The following SNAP91 variants were observed in gnomAD, a reference collection of about 807,000 sequenced individuals.
The protein encoded by SNAP91 is synaptosome associated protein 91.
In SNAP91, 27 loss-of-function variants were observed where a neutral mutation model predicts 100.3. The ratio of observed to expected loss-of-function variants is 0.27; its 90% CI spans 0.20 to 0.37. The LOEUF is 0.37. Ranked by LOEUF, SNAP91 falls within the 10% of genes least tolerant of loss-of-function variation. The pLI is 1.00. For missense variants in SNAP91, 986 were observed against 1,123.7 expected (o/e 0.88, Z 1.75); for synonymous variants, 404 against 398.6 (o/e 1.01, Z -0.16).
chr6:83,684,281 A>T (rs1442558836), intron 2 of SNAP91, among the ~76,000 whole-genome samples: 2 of 152,190 alleles, frequency 1.3e-5, no homozygotes, highest in Non-Finnish European at 2.9e-5. Flanking sequence ...TATGGTTCAG[A>T]TGAGGAACAT....
At chr6:83,604,717 G>T (rs1003047323) in intron 14 of SNAP91, among the ~76,000 whole-genome samples, 2 of 152,130 alleles carry the variant, frequency 1.3e-5, no homozygotes, top group Non-Finnish European at 2.9e-5. Flanking sequence ...CTCTGTATGG[G>T]AGAAAAGATA....
intron 2 of SNAP91, among the ~76,000 whole-genome samples, chr6:83,706,650 G>A (rs566686983): frequency 6.6e-6 from 1 of 152,304 alleles, no homozygotes; most frequent in African/African-American, 2.4e-5. Context: ...TCTGACACTG[G>A]TGCCATTTTC....
intron 22 of SNAP91, among the ~76,000 whole-genome samples, chr6:83,583,436 A>G (rs1004938433): frequency 1.3e-5 from 2 of 152,242 alleles, no homozygotes; most frequent in African/African-American, 4.8e-5. Context: ...GACAAATCAA[A>G]GACTACTGTA....
chr6:83,602,505 T>C (rs1216550553), intron 14 of SNAP91, among the ~76,000 whole-genome samples: 1 of 152,202 alleles, frequency 6.6e-6, no homozygotes, highest in Non-Finnish European at 1.5e-5. Flanking sequence ...GGCTTGATCT[T>C]ATCAAACAAG....
At chr6:83,659,637 G>T (rs2098494696) in intron 5 of SNAP91, among the ~76,000 whole-genome samples, 1 of 151,888 alleles carries the variant, frequency 6.6e-6, no homozygotes, top group African/African-American at 2.4e-5. Context: ...TCACTATGTT[G>T]CCCAGGCTGG....
intron 8 of SNAP91, among the ~76,000 whole-genome samples, chr6:83,633,000 C>T (rs1263020649): frequency 6.6e-6 from 1 of 152,168 alleles, no homozygotes; most frequent in Non-Finnish European, 1.5e-5. Flanking sequence ...GGTTCCTTCT[C>T]ATTTGGGTAG....
At chr6:83,588,995 T>A (rs1180885749) in intron 22 of SNAP91, among the ~76,000 whole-genome samples, 1 of 152,172 alleles carries the variant, frequency 6.6e-6, no homozygotes, top group Non-Finnish European at 1.5e-5. Context: ...ATTCATAGGC[T>A]TCTGTGAAAG....
chr6:83,621,694 T>C (rs1475542475), intron 9 of SNAP91, among the ~76,000 whole-genome samples: 1 of 152,166 alleles, frequency 6.6e-6, no homozygotes, highest in Non-Finnish European at 1.5e-5. Context: ...CAGATTTAAG[T>C]AGTCATTTGA....
chr6:83,605,508 T>G (rs2095554040), intron 14 of SNAP91, among the ~76,000 whole-genome samples, 177 bp downstream of exon 14: 1 of 152,230 alleles, frequency 6.6e-6, no homozygotes, highest in African/African-American at 2.4e-5. Flanking sequence ...AGGCACTTTC[T>G]CTGTCTCTCT....
intron 25 of SNAP91, 123 bp downstream of exon 25, chr6:83,575,900 G>T (rs1817938716): frequency 1.6e-6 from 1 of 622,978 alleles, no homozygotes; most frequent in Non-Finnish European, 2.8e-6. Context: ...CACCAATTGT[G>T]AAATTATCTG....
intron 22 of SNAP91, among the ~76,000 whole-genome samples, chr6:83,589,147 T>C (rs767487632): frequency 2.4e-4 from 37 of 152,234 alleles, no homozygotes; most frequent in Non-Finnish European, 4.8e-4. Context: ...TTCTGTGGCA[T>C]GTTAAAATCT....
chr6:83,611,368 A>G, intron 11 of SNAP91: 1 of 408,902 alleles, frequency 2.4e-6, no homozygotes, highest in Non-Finnish European at 4.8e-6. Context: ...AAGTTATATT[A>G]CTGGTAGCAT....
intron 8 of SNAP91, among the ~76,000 whole-genome samples, chr6:83,639,909 G>A (rs2097613284): frequency 6.6e-6 from 1 of 151,918 alleles, no homozygotes; most frequent in Non-Finnish European, 1.5e-5. Context: ...GTTAAACCAT[G>A]GCAAAATCAT....
rs895240952 is a variant in SNAP91 at position 83,593,343 on chromosome 6, T to C, written c.1697-84A>G. 13 of 1,521,172 alleles carry C rather than the reference T, an allele frequency of 8.5e-6. No individual in the cohort carries two copies. The African/African-American group carries it at 1.8e-4, about 21-fold the overall frequency. 94.2% of individuals were successfully genotyped at this position (1,521,172 alleles called of 1,614,324 possible). ...CACTTCCCAGTCCTTAATTAGCACT[T>C]TGAAGAACTCTGAATTAAGCAGCAA... On this transcript the variant is annotated intron_variant, in intron 18 of 29. Transcript: ENST00000369694.
chr6:83,689,682 A>G (rs2099106649), intron 2 of SNAP91: 1 of 152,142 alleles, frequency 6.6e-6, no homozygotes, highest in African/African-American at 2.4e-5. Context: ...CAGTAAAGAA[A>G]AGAATGAGGA....
chr6:83,560,485 T>C (rs1785438514), intron 27 of SNAP91, among the ~76,000 whole-genome samples: 1 of 152,222 alleles, frequency 6.6e-6, no homozygotes, highest in Non-Finnish European at 1.5e-5. Context: ...AGCATAATTC[T>C]TGGAAAGAGA....
At chr6:83,656,896 G>T (rs772458170) in intron 6 of SNAP91, 31 bp from the exon 7 acceptor site, 2 of 1,039,330 alleles carry the variant, frequency 1.9e-6, no homozygotes, top group Non-Finnish European at 2.9e-6. Context: ...AATATTAGCG[G>T]CATATCATTA....
intron 8 of SNAP91, 128 bp from the exon 9 acceptor site, chr6:83,623,470 C>T: frequency 1.5e-6 from 1 of 676,996 alleles, no homozygotes; most frequent in Non-Finnish European, 2.6e-6. Context: ...TTATGTATCA[C>T]TCTCACTTGG....
chr6:83,661,445 A>C, intron 5 of SNAP91, 57 bp downstream of exon 5: 1 of 1,051,104 alleles, frequency 9.5e-7, no homozygotes, highest in East Asian at 2.4e-5. Context: ...AAAATAAATC[A>C]AGTATGCCTC....
Sources: allele counts gnomAD v4.1 joint callset (sites outside exome capture counted in the v4.1 genomes callset), GRCh38; gene constraint gnomAD v4.1.1; transcripts MANE v1.5; gene names NCBI Gene and HGNC (gene_info 2026-07-23, HGNC 2026-07-21).